Variants in ITGB3BP observed in about 807,000 individuals in gnomAD.
The protein encoded by ITGB3BP is centromere protein R.
In ITGB3BP, 27 loss-of-function variants were observed where a neutral mutation model predicts 29.1. The observed-to-expected ratio is 0.93, with a 90% CI of 0.68 to 1.28. The LOEUF (loss-of-function observed/expected upper bound fraction) is 1.28. ITGB3BP is among the 50% of genes most tolerant of loss of function. ITGB3BP has a pLI of 0.00. For synonymous variants in ITGB3BP, 61 were observed against 61.4 expected (o/e 0.99, Z 0.03); for missense variants, 192 against 200.2 (o/e 0.96, Z 0.25).
At chr1:63,444,081 T>A (rs1055862076) in intron 8 of ITGB3BP, among the ~76,000 whole-genome samples, 1 of 152,184 alleles carries the variant, frequency 6.6e-6, no homozygotes, top group Non-Finnish European at 1.5e-5. Flanking sequence ...TTCACTGTCA[T>A]TGCTCTTTTG....
chr1:63,448,625 T>C (rs1250448888), intron 7 of ITGB3BP, among the ~76,000 whole-genome samples: 2 of 152,138 alleles, frequency 1.3e-5, no homozygotes, highest in African/African-American at 4.8e-5. Flanking sequence ...TTTGTGGGGC[T>C]TTTTTGACTA....
intron 1 of ITGB3BP, among the ~76,000 whole-genome samples, chr1:63,521,451 G>A (rs2100837551): frequency 6.6e-6 from 1 of 152,166 alleles, no homozygotes. Context: ...TCAACTTTAA[G>A]GTTGTGTATT....
At chr1:63,527,941 A>G (rs572355486), upstream of ITGB3BP, 3 of 152,328 alleles carry the variant, frequency 2.0e-5, no homozygotes, top group Non-Finnish European at 2.9e-5. Flanking sequence ...AATGCTGGCA[A>G]GGATGTGGAG....
intron 1 of ITGB3BP, among the ~76,000 whole-genome samples, chr1:63,510,627 G>C (rs1448346780): frequency 6.6e-6 from 1 of 152,084 alleles, no homozygotes; most frequent in Non-Finnish European, 1.5e-5. Context: ...GACAAGACTA[G>C]AAGAAATCTA....
At chr1:63,464,600 C>T (rs1456311297) in intron 4 of ITGB3BP, among the ~76,000 whole-genome samples, 1 of 152,124 alleles carries the variant, frequency 6.6e-6, no homozygotes, top group Non-Finnish European at 1.5e-5. Context: ...ATAACTGACT[C>T]AGGCAAGAAT....
At chr1:63,527,904 A>T (rs1474581914), upstream of ITGB3BP, 1 of 152,216 alleles carries the variant, frequency 6.6e-6, no homozygotes, top group African/African-American at 2.4e-5. Context: ...TGAACAGAAG[A>T]TATAATTTTC....
At chr1:63,512,193 T>C (rs1034642541) in intron 1 of ITGB3BP, among the ~76,000 whole-genome samples, 3 of 152,076 alleles carry the variant, frequency 2.0e-5, no homozygotes, top group Admixed American at 2.0e-4. Context: ...TTTAAAAAGA[T>C]AGAAAGCATT....
In ITGB3BP at chr1:63,503,491, G is replaced by A. The variant is rs1645992233; in HGVS notation, c.48+5037C>T. ...GTTCACTCTGATGGTAGTTTCTTCT[G>A]CTGTGCAGAAGCTCTTTAGTTTAAT... On this transcript the variant is annotated intron_variant, in intron 2 of 8. Transcript: ENST00000271002. 2.0e-5 allele frequency among the ~76,000 whole-genome samples: 3 copies of A among 152,126 alleles called. No individual in the cohort carries two copies. In the South Asian group the frequency reaches 6.2e-4, roughly 32 times the overall value.
Position 63,454,988 on chromosome 1 carries a change from C to T in ITGB3BP, c.255-20G>A. 1 of 1,197,470 alleles carries T rather than the reference C, an allele frequency of 8.4e-7. No homozygotes were observed. Among genetic ancestry groups the T allele is most frequent in the South Asian group, 1.2e-5 (1 of 81,298 alleles). 74.2% of individuals were successfully genotyped at this position (1,197,470 alleles called of 1,614,324 possible). On this transcript the variant is annotated intron_variant, in intron 4 of 8. Coordinates refer to ENST00000271002, the MANE Select transcript of ITGB3BP (RefSeq NM_014288.5). The surrounding 1 kb of genome is among the most constrained non-coding windows in gnomAD (Gnocchi z 4.1). ...ATGAATCTAGTAATAAAGAAAAAGA[C>T]AATACTTAGCAAGGGGAAGCATTTA...
chr1:63,509,327 A>C (rs1646148473), intron 1 of ITGB3BP, among the ~76,000 whole-genome samples: 1 of 152,192 alleles, frequency 6.6e-6, no homozygotes, highest in African/African-American at 2.4e-5. Flanking sequence ...ATGCAGACTA[A>C]ATGTTCAAAG....
intron 1 of ITGB3BP, chr1:63,510,159 T>C (rs6588047): frequency 0.98 from 551,360 of 561,618 alleles, 271,312 homozygotes; most frequent in East Asian, 1. Context: ...CATTGCACTC[T>C]AGCCTGGGCA....
chr1:63,445,211 A>G (rs529478255), intron 8 of ITGB3BP, among the ~76,000 whole-genome samples: 1 of 152,076 alleles, frequency 6.6e-6, no homozygotes, highest in African/African-American at 2.4e-5. Flanking sequence ...ACTTGAATAC[A>G]GGAGGTGGAG....
chr1:63,469,888 G>C (rs926225713), intron 4 of ITGB3BP, among the ~76,000 whole-genome samples: 1 of 152,196 alleles, frequency 6.6e-6, no homozygotes, highest in Non-Finnish European at 1.5e-5. Flanking sequence ...CATGATGGCC[G>C]TAACGCCCAC....
intron 8 of ITGB3BP, among the ~76,000 whole-genome samples, chr1:63,441,933 C>T (rs1644735413): frequency 2.0e-5 from 3 of 151,074 alleles, no homozygotes; most frequent in Admixed American, 2.0e-4. Flanking sequence ...GGGAAGAGAT[C>T]TTTAAAAATG....
intron 8 of ITGB3BP, among the ~76,000 whole-genome samples, chr1:63,445,050 C>T (rs1429202930): frequency 2.0e-5 from 3 of 151,916 alleles, no homozygotes; most frequent in South Asian, 4.2e-4. Context: ...TTTGGGAGGC[C>T]GAGGCAGGCA....
intron 7 of ITGB3BP, among the ~76,000 whole-genome samples, chr1:63,450,324 G>A (rs1422463636): frequency 6.6e-6 from 1 of 151,914 alleles, no homozygotes; most frequent in African/African-American, 2.4e-5. Context: ...GAAGCTAAGT[G>A]TCTAGATTTC....
At chr1:63,518,933 T>C (rs935984100) in intron 1 of ITGB3BP, among the ~76,000 whole-genome samples, 1 of 152,130 alleles carries the variant, frequency 6.6e-6, no homozygotes, top group East Asian at 1.9e-4. Flanking sequence ...CCACAGTCTA[T>C]CTAGAGTTAT....
At chr1:63,467,406 T>C (rs568160002) in intron 4 of ITGB3BP, among the ~76,000 whole-genome samples, 122 of 151,204 alleles carry the variant, frequency 8.1e-4, no homozygotes, top group Non-Finnish European at 1.3e-3. Flanking sequence ...CTAGAGTGCA[T>C]TGGCATGATC....
upstream of ITGB3BP, among the ~76,000 whole-genome samples, chr1:63,525,202 T>C (rs529101526): frequency 1.1e-4 from 17 of 152,290 alleles, no homozygotes; most frequent in South Asian, 3.5e-3. Context: ...CATCTGACTT[T>C]CGTATTTTGA....
Sources: allele counts gnomAD v4.1 joint callset (sites outside exome capture counted in the v4.1 genomes callset), GRCh38; gene constraint gnomAD v4.1.1; non-coding constraint Gnocchi (gnomAD v3.1); transcripts MANE v1.5; gene names NCBI Gene and HGNC (gene_info 2026-07-23, HGNC 2026-07-21).